Variants in FOXN3 observed in about 807,000 individuals in gnomAD.
The protein encoded by FOXN3 is forkhead box N3, also known as forkhead box protein N3.
In FOXN3, 7 loss-of-function variants were observed where a neutral mutation model predicts 38.4. That is an observed-to-expected ratio of 0.18 (90% confidence interval 0.10 to 0.34). The LOEUF (loss-of-function observed/expected upper bound fraction) is 0.34. Among genes scored for constraint, FOXN3 ranks in the 10% least tolerant of loss-of-function variants. FOXN3 has a pLI of 1.00. For synonymous variants in FOXN3, 230 were observed against 242.2 expected, an observed-to-expected ratio of 0.95 and a Z score of 0.47; for missense variants, 456 against 613.4, an observed-to-expected ratio of 0.74 and a Z score of 2.71.
intron 1 of FOXN3, among the ~76,000 whole-genome samples, chr14:89,583,998 A>G (rs1895795659): frequency 6.6e-6 from 1 of 150,758 alleles, no homozygotes. Flanking sequence ...CTGGGGCTAC[A>G]GGCATGTGCC....
chr14:89,539,425 AT>A (rs1894754833), intron 1 of FOXN3, among the ~76,000 whole-genome samples: 1 of 152,258 alleles, frequency 6.6e-6, no homozygotes. Flanking sequence ...AAAATGATAC[AT>A]AAAACACTCC....
intron 3 of FOXN3, among the ~76,000 whole-genome samples, chr14:89,330,911 G>A (rs1371735525): frequency 6.6e-6 from 1 of 152,210 alleles, no homozygotes; most frequent in East Asian, 1.9e-4. Context: ...CAGGACCTGG[G>A]CCCACCAAGG....
chr14:89,197,709 C>T (rs1160065215), intron 4 of FOXN3, among the ~76,000 whole-genome samples: 1 of 152,150 alleles, frequency 6.6e-6, no homozygotes, highest in Non-Finnish European at 1.5e-5. Context: ...CTCCCCAGGG[C>T]ATAAGCCTCC....
intron 1 of FOXN3, among the ~76,000 whole-genome samples, chr14:89,552,624 C>A (rs1461994017): frequency 6.6e-6 from 1 of 152,114 alleles, no homozygotes; most frequent in Admixed American, 6.6e-5. Context: ...TTTGGGAGGC[C>A]GAGGCAGGCA....
At chr14:89,304,821 C>T (rs1285724880) in intron 3 of FOXN3, among the ~76,000 whole-genome samples, 2 of 151,838 alleles carry the variant, frequency 1.3e-5, no homozygotes, top group African/African-American at 4.8e-5. Flanking sequence ...AAATACACAC[C>T]GAAGTGCCTG....
chr14:89,404,504 C>CAAAAAAA lies in FOXN3; in HGVS notation c.543+7423_543+7429dup, dbSNP rs71130075. Among the ~76,000 whole-genome samples the CAAAAAAA allele has an allele frequency of 3.3e-4, 20 of 61,032 alleles. 1 individual carries two copies. The highest frequency in any genetic ancestry group is 5.2e-4 in the Non-Finnish European group (18 of 34,404). The allele number at this position is 61,032 out of a possible 152,430, so 40.0% of individuals were successfully genotyped here. A position where few individuals can be genotyped will look rare whatever the true frequency, so the allele number is the denominator to read the frequency against. On this transcript the variant is annotated intron_variant, in intron 2 of 5. Coordinates refer to ENST00000557258, the MANE Select transcript of FOXN3 (RefSeq NM_005197.4). Reference sequence around the variant, plus strand: ...TGGGTGACAGAGCGAGACTCTGTCTCAAAAAAAAAAAAAAAAAAAAAAAAA... The same window carrying CAAAAAAA: ...TGGGTGACAGAGCGAGACTCTGTCTCAAAAAAAAAAAAAAAAAAAAAAAAAAAAAAAA...
intron 4 of FOXN3, among the ~76,000 whole-genome samples, chr14:89,182,364 G>A (rs973702900): frequency 3.9e-5 from 6 of 152,160 alleles, no homozygotes; most frequent in Non-Finnish European, 7.3e-5. Flanking sequence ...CCTGGTTTGC[G>A]TAAGGCCTTT....
At chr14:89,368,273 T>C (rs532305582) in intron 2 of FOXN3, among the ~76,000 whole-genome samples, 1 of 147,506 alleles carries the variant, frequency 6.8e-6, no homozygotes, top group Non-Finnish European at 1.5e-5. Context: ...GAGGTTGCAG[T>C]GAACCAAGAT....
At chr14:89,168,759 A>G (rs368509634) in intron 5 of FOXN3, among the ~76,000 whole-genome samples, 5 of 152,328 alleles carry the variant, frequency 3.3e-5, no homozygotes, top group African/African-American at 1.2e-4. Context: ...AGATTCAGAA[A>G]GCCAACACGT....
chr14:89,396,790 C>A (rs2140083299), intron 2 of FOXN3, among the ~76,000 whole-genome samples: 1 of 149,700 alleles, frequency 6.7e-6, no homozygotes, highest in Admixed American at 6.7e-5. Context: ...TGAGATTGTG[C>A]CACTGCACTC....
At chr14:89,560,235 T>C (rs1221382733) in intron 1 of FOXN3, among the ~76,000 whole-genome samples, 1 of 152,072 alleles carries the variant, frequency 6.6e-6, no homozygotes, top group Non-Finnish European at 1.5e-5. Flanking sequence ...GCCCCCATGA[T>C]CCAGTCACCT....
At chr14:89,332,470 T>C (rs1888280327) in intron 3 of FOXN3, among the ~76,000 whole-genome samples, 1 of 152,218 alleles carries the variant, frequency 6.6e-6, no homozygotes, top group Non-Finnish European at 1.5e-5. Context: ...ATGTCCCTCT[T>C]GTGATTCTGA....
At chr14:89,451,295 A>G (rs1424382605) in intron 1 of FOXN3, among the ~76,000 whole-genome samples, 2 of 152,218 alleles carry the variant, frequency 1.3e-5, no homozygotes, top group Admixed American at 6.5e-5. Context: ...GGGACATCCA[A>G]TGTGACTGGT....
chr14:89,232,663 A>G (rs1380977928), intron 4 of FOXN3, among the ~76,000 whole-genome samples: 1 of 152,114 alleles, frequency 6.6e-6, no homozygotes, highest in African/African-American at 2.4e-5. Context: ...CTGCTCTTCT[A>G]ACCTTGTTTT....
chr14:89,541,045 G>C (rs988877251), intron 1 of FOXN3, among the ~76,000 whole-genome samples: 3 of 152,164 alleles, frequency 2.0e-5, no homozygotes, highest in Non-Finnish European at 4.4e-5. Flanking sequence ...AGAATTCTAA[G>C]ATTCTTACCG....
At chr14:89,396,444 G>A (rs541240890) in intron 2 of FOXN3, among the ~76,000 whole-genome samples, 1 of 152,164 alleles carries the variant, frequency 6.6e-6, no homozygotes, top group Non-Finnish European at 1.5e-5. Context: ...TATAAACCAA[G>A]ATCATCTTCC....
At chr14:89,505,028 C>T (rs543773115) in intron 1 of FOXN3, among the ~76,000 whole-genome samples, 2 of 152,210 alleles carry the variant, frequency 1.3e-5, no homozygotes, top group South Asian at 2.1e-4. Context: ...ATACAGCATA[C>T]GGTGGGATAA....
At chr14:89,253,544 C>T (rs189275365) in intron 4 of FOXN3, among the ~76,000 whole-genome samples, 336 of 152,246 alleles carry the variant, frequency 2.2e-3, no homozygotes, top group Non-Finnish European at 3.6e-3. Context: ...ATTTCACTCC[C>T]GGAGTTGTTT....
At chr14:89,461,439 G>A (rs1034452672) in intron 1 of FOXN3, among the ~76,000 whole-genome samples, 7 of 152,062 alleles carry the variant, frequency 4.6e-5, no homozygotes, top group African/African-American at 1.5e-4. Context: ...GAACCCTGCA[G>A]TTTGCTTAAC....
Sources: allele counts gnomAD v4.1 joint callset (sites outside exome capture counted in the v4.1 genomes callset), GRCh38; gene constraint gnomAD v4.1.1; transcripts MANE v1.5; gene names NCBI Gene and HGNC (gene_info 2026-07-23, HGNC 2026-07-21).